Variants in ADGRL2 observed in about 807,000 individuals in gnomAD.
The protein encoded by ADGRL2 is adhesion G protein-coupled receptor L2.
In ADGRL2, 44 loss-of-function variants were observed where a neutral mutation model predicts 157.4. The observed-to-expected ratio is 0.28, with a 90% confidence interval of 0.22 to 0.36. ADGRL2 has a LOEUF of 0.36. ADGRL2 is among the 10% of genes least tolerant of loss of function. The probability of loss-of-function intolerance (pLI) is 1.00; values close to 1 mark genes in which losing one functional copy is unlikely to be tolerated. For missense variants in ADGRL2, 1,510 were observed against 1,768.9 expected, an observed-to-expected ratio of 0.85 and a Z score of 2.63; for synonymous variants, 585 against 624.7, an observed-to-expected ratio of 0.94 and a Z score of 0.95.
chr1:81,445,989 C>T (rs540713448), intron 2 of ADGRL2, among the ~76,000 whole-genome samples: 2 of 152,256 alleles, frequency 1.3e-5, no homozygotes, highest in Non-Finnish European at 2.9e-5. Context: ...TATTTTTCAA[C>T]CTCCTCACCT....
chr1:81,685,196 A>G (rs1290360566), intron 3 of ADGRL2, among the ~76,000 whole-genome samples: 2 of 151,986 alleles, frequency 1.3e-5, no homozygotes, highest in Non-Finnish European at 2.9e-5. Flanking sequence ...TCTCATGGGG[A>G]TTGCATTGAA....
At chr1:81,416,071 C>T (rs2077028313) in intron 1 of ADGRL2, among the ~76,000 whole-genome samples, 1 of 151,946 alleles carries the variant, frequency 6.6e-6, no homozygotes, top group African/African-American at 2.4e-5. Flanking sequence ...AGGATGGTCT[C>T]GATCTTGTGA....
chr1:81,643,589 G>A (rs2147386), intron 3 of ADGRL2, among the ~76,000 whole-genome samples: 2 of 151,932 alleles, frequency 1.3e-5, no homozygotes, highest in Non-Finnish European at 2.9e-5. Flanking sequence ...GATTATAAGC[G>A]TAAGCCACCA....
intron 2 of ADGRL2, among the ~76,000 whole-genome samples, chr1:81,905,094 C>G (rs999983209): frequency 2.6e-5 from 4 of 150,990 alleles, no homozygotes; most frequent in African/African-American, 9.7e-5. Context: ...TTTTTCCTTA[C>G]TATACTTTTT....
At chr1:81,322,105 TATATACACATATATATATAC>T (rs1660550700) in intron 1 of ADGRL2, among the ~76,000 whole-genome samples, 1 of 120,224 alleles carries the variant, frequency 8.3e-6, no homozygotes, top group Admixed American at 9.2e-5. Flanking sequence ...TATATATATA[TATATACACATATATATATAC>T]ACACACACAC....
chr1:81,310,264 A>G (rs1659655820), intron 1 of ADGRL2, among the ~76,000 whole-genome samples: 1 of 152,160 alleles, frequency 6.6e-6, no homozygotes, highest in South Asian at 2.1e-4. Context: ...ACAGGGCAGC[A>G]TTTGTGGCCT....
chr1:81,655,456 C>T (rs1400634540), intron 3 of ADGRL2, among the ~76,000 whole-genome samples: 1 of 152,182 alleles, frequency 6.6e-6, no homozygotes, highest in Non-Finnish European at 1.5e-5. Flanking sequence ...AGCCCACATT[C>T]TCAAAACAGT....
chr1:81,740,755 T>C (rs1394274568), intron 1 of ADGRL2, among the ~76,000 whole-genome samples: 1 of 152,098 alleles, frequency 6.6e-6, no homozygotes, highest in Non-Finnish European at 1.5e-5. Context: ...TCTCCACAAA[T>C]GGAATATCCA....
chr1:81,473,481 T>G (rs995098370), intron 2 of ADGRL2, among the ~76,000 whole-genome samples: 1 of 152,218 alleles, frequency 6.6e-6, no homozygotes, highest in Non-Finnish European at 1.5e-5. Flanking sequence ...AATTGTAGAT[T>G]AATCCAGTTA....
rs543208436 is a variant in ADGRL2 at position 81,358,275 on chromosome 1, A to G, written c.-302+51766A>G. 1.1e-3 allele frequency among the ~76,000 whole-genome samples: 162 copies of G among 152,244 alleles called. 2 individuals are homozygous for G. Among genetic ancestry groups the G allele is most frequent in the South Asian group, 6.8e-3 (33 of 4,824 alleles). Reference sequence around the variant, plus strand: ...GTTTTTCATAAGCAGATATGAGAATATTTTTCCCACATCATGTGAATAAGG... The same window carrying G: ...GTTTTTCATAAGCAGATATGAGAATGTTTTTCCCACATCATGTGAATAAGG... On this transcript the variant is annotated intron_variant, in intron 1 of 24. Transcript: ENST00000370721.
chr1:81,460,350 C>G (rs1286155419), intron 2 of ADGRL2, among the ~76,000 whole-genome samples: 2 of 151,730 alleles, frequency 1.3e-5, no homozygotes, highest in Middle Eastern at 3.4e-3. Flanking sequence ...TATCATACCA[C>G]ATAACTAAAG....
chr1:81,979,352 C>G (rs1312839025), intron 17 of ADGRL2, among the ~76,000 whole-genome samples: 1 of 151,748 alleles, frequency 6.6e-6, no homozygotes, highest in Non-Finnish European at 1.5e-5. Flanking sequence ...CTTTATCTTA[C>G]TTTATATAAC....
chr1:81,911,610 C>G (rs2094723255), intron 3 of ADGRL2, among the ~76,000 whole-genome samples: 1 of 152,052 alleles, frequency 6.6e-6, no homozygotes, highest in African/African-American at 2.4e-5. Context: ...TATAACATGA[C>G]CTCAAGTTTT....
At chr1:81,347,643 CA>C (rs1662577594) in intron 1 of ADGRL2, among the ~76,000 whole-genome samples, 3 of 152,022 alleles carry the variant, frequency 2.0e-5, no homozygotes, top group Non-Finnish European at 4.4e-5. Context: ...AATTGTTAAT[CA>C]AAAAGGAATC....
At chr1:81,800,711 G>A (rs901587370), upstream of ADGRL2, among the ~76,000 whole-genome samples, 1 of 151,908 alleles carries the variant, frequency 6.6e-6, no homozygotes, top group Admixed American at 6.6e-5. Flanking sequence ...CATGTGTGTG[G>A]ACAGGATGGA....
chr1:81,785,125 AT>A (rs1165293454), intron 2 of ADGRL2, among the ~76,000 whole-genome samples: 1 of 152,120 alleles, frequency 6.6e-6, no homozygotes, highest in East Asian at 1.9e-4. Flanking sequence ...ATTTGTGATG[AT>A]TTTCATTTAA....
intron 2 of ADGRL2, among the ~76,000 whole-genome samples, chr1:81,850,071 G>A (rs1179741066): frequency 1.3e-5 from 2 of 151,780 alleles, no homozygotes; most frequent in African/African-American, 2.4e-5. Context: ...ACTACAAACA[G>A]CCACATTAAT....
intron 1 of ADGRL2, among the ~76,000 whole-genome samples, chr1:81,401,019 T>C (rs1337338089): frequency 6.6e-6 from 1 of 152,172 alleles, no homozygotes; most frequent in Non-Finnish European, 1.5e-5. Context: ...GGAGCGTCGC[T>C]GTTCTGAACA....
At chr1:81,812,517 C>T (rs1360761892) in intron 1 of ADGRL2, among the ~76,000 whole-genome samples, 2 of 151,578 alleles carry the variant, frequency 1.3e-5, no homozygotes, top group East Asian at 3.9e-4. Context: ...GATACCAGAT[C>T]CATTTTGAGA....
Sources: allele counts gnomAD v4.1 joint callset (sites outside exome capture counted in the v4.1 genomes callset), GRCh38; gene constraint gnomAD v4.1.1; transcripts MANE v1.5; gene names NCBI Gene and HGNC (gene_info 2026-07-23, HGNC 2026-07-21).